Variants in CNTNAP2 observed in about 807,000 individuals in gnomAD.
CNTNAP2 encodes the protein contactin-associated protein-like 2.
Under a neutral mutation model 155.2 loss-of-function variants are expected in CNTNAP2, and 98 were observed. The observed-to-expected ratio is 0.63, with a 90% CI of 0.54 to 0.75. The LOEUF (loss-of-function observed/expected upper bound fraction) is 0.75, where lower values mean the gene tolerates loss of function less well. Among genes scored for constraint, CNTNAP2 ranks in the 30% least tolerant of loss-of-function variants. CNTNAP2 has a pLI of 0.00. For missense variants in CNTNAP2, 1,727 were observed against 1,688.1 expected, an observed-to-expected ratio of 1.02 and a Z score of -0.40; for synonymous variants, 651 against 631.2, an observed-to-expected ratio of 1.03 and a Z score of -0.47.
At chr7:146,595,062 T>G (rs896791625) in intron 1 of CNTNAP2, among the ~76,000 whole-genome samples, 1 of 152,084 alleles carries the variant, frequency 6.6e-6, no homozygotes, top group East Asian at 1.9e-4. Context: ...GGCTTGAAAC[T>G]TCCTGATATT....
chr7:146,319,422 C>T (rs1800962916), intron 1 of CNTNAP2, among the ~76,000 whole-genome samples: 6 of 152,138 alleles, frequency 3.9e-5, no homozygotes, highest in Admixed American at 3.9e-4. Context: ...AAGCTTGAAT[C>T]TATGTGTCTG....
At chr7:147,951,075 A>G (rs1219646730) in intron 14 of CNTNAP2, among the ~76,000 whole-genome samples, 1 of 152,182 alleles carries the variant, frequency 6.6e-6, no homozygotes, top group East Asian at 1.9e-4. Context: ...TAAAATCTGT[A>G]TACTCCTATC....
chr7:147,903,573 C>T lies in CNTNAP2; in HGVS notation c.2107C>T (p.Pro703Ser), dbSNP rs1799910339. Residue 703 changes from proline to serine, a missense_variant, in exon 14 of 24, where the codon CCT (proline) becomes TCT (serine). By Grantham distance (74) the Pro-to-Ser change is moderately conservative. Transcript: ENST00000361727. Reference protein sequence around the residue: ...SRLLNTPDGSPYTWWVGKANE... With the variant: ...SRLLNTPDGSSYTWWVGKANE... ...TTTGCCTTTTCTTGTAGATGGAAGC[C>T]CTTACACTTGGTGGGTTGGCAAAGC... 1 of 1,614,160 alleles carries T rather than the reference C, an allele frequency of 6.2e-7. No homozygotes were observed. The highest frequency in any genetic ancestry group is 2.2e-5 in the East Asian group (1 of 44,866).
chr7:147,527,080 T>C (rs1393906154), intron 11 of CNTNAP2, among the ~76,000 whole-genome samples: 1 of 136,716 alleles, frequency 7.3e-6, no homozygotes, highest in Non-Finnish European at 1.5e-5. Context: ...TGGAGTGCAG[T>C]GGTGTGATCT....
At chr7:146,360,230 T>C (rs2129100650) in intron 1 of CNTNAP2, among the ~76,000 whole-genome samples, 1 of 152,298 alleles carries the variant, frequency 6.6e-6, no homozygotes, top group South Asian at 2.1e-4. Flanking sequence ...GCCCGCAAAC[T>C]CCTTTTCATT....
At chr7:147,530,015 G>A (rs369925242) in intron 11 of CNTNAP2, among the ~76,000 whole-genome samples, 48 of 152,188 alleles carry the variant, frequency 3.2e-4, no homozygotes, top group East Asian at 9.7e-4. Flanking sequence ...ATCAATAATC[G>A]TGGGGATTGT....
At chr7:147,696,733 C>T (rs913191246) in intron 13 of CNTNAP2, among the ~76,000 whole-genome samples, 3 of 151,840 alleles carry the variant, frequency 2.0e-5, no homozygotes, top group African/African-American at 7.3e-5. Flanking sequence ...TGAGAAAGTC[C>T]TTATTTTTCC....
intron 3 of CNTNAP2, among the ~76,000 whole-genome samples, chr7:146,844,486 A>G (rs1226818372): frequency 6.6e-6 from 1 of 151,978 alleles, no homozygotes; most frequent in African/African-American, 2.4e-5. Context: ...AGATGTTTTC[A>G]AGTTTCCTAA....
chr7:147,472,803 G>A (rs566255870), intron 10 of CNTNAP2, among the ~76,000 whole-genome samples: 1 of 152,298 alleles, frequency 6.6e-6, no homozygotes, highest in South Asian at 2.1e-4. Context: ...TGATGAGGGT[G>A]AGCAGAGGAG....
intron 3 of CNTNAP2, among the ~76,000 whole-genome samples, chr7:146,892,410 A>G (rs758839408): frequency 6.6e-6 from 1 of 152,194 alleles, no homozygotes; most frequent in South Asian, 2.1e-4. Context: ...AAGCCAGCTC[A>G]GTTTTAAGAG....
intron 1 of CNTNAP2, among the ~76,000 whole-genome samples, chr7:146,655,012 T>C (rs1585027098): frequency 1.3e-5 from 2 of 152,252 alleles, no homozygotes; most frequent in East Asian, 3.9e-4. Flanking sequence ...TGTAATGATA[T>C]CTCTCAACAT....
chr7:147,095,773 C>T (rs1048086971), intron 4 of CNTNAP2, among the ~76,000 whole-genome samples: 2 of 152,038 alleles, frequency 1.3e-5, no homozygotes, highest in African/African-American at 2.4e-5. Flanking sequence ...AAACTGGATC[C>T]TGGTTTGCTT....
chr7:147,770,732 G>A (rs976458647), intron 13 of CNTNAP2, among the ~76,000 whole-genome samples: 2 of 152,140 alleles, frequency 1.3e-5, no homozygotes, highest in African/African-American at 4.8e-5. Flanking sequence ...TAGATGAAGT[G>A]TGATCATGGA....
intron 10 of CNTNAP2, among the ~76,000 whole-genome samples, chr7:147,401,471 T>C (rs1267891444): frequency 2.0e-5 from 3 of 152,180 alleles, no homozygotes; most frequent in Non-Finnish European, 4.4e-5. Context: ...AAAGAATAAG[T>C]AAATGAATTT....
chr7:148,412,656 T>A (rs1449112691), intron 23 of CNTNAP2, among the ~76,000 whole-genome samples: 1 of 152,220 alleles, frequency 6.6e-6, no homozygotes, highest in Non-Finnish European at 1.5e-5. Flanking sequence ...ATAATGAGAT[T>A]TTTTTACTTG....
At chr7:146,551,954 T>C (rs1278553052) in intron 1 of CNTNAP2, among the ~76,000 whole-genome samples, 1 of 151,980 alleles carries the variant, frequency 6.6e-6, no homozygotes. Context: ...TAAGATACAA[T>C]CTCCTCAATT....
intron 4 of CNTNAP2, among the ~76,000 whole-genome samples, chr7:147,083,821 T>TACATATACACATGTATGTACATATTATAA (rs1800200319): frequency 7.0e-6 from 1 of 141,848 alleles, no homozygotes; most frequent in Non-Finnish European, 1.5e-5. Context: ...ACATATTATA[T>TACATATACACATGTATGTACATATTATAA]ACATATACAC....
intron 13 of CNTNAP2, among the ~76,000 whole-genome samples, chr7:147,895,884 T>A (rs1477564178): frequency 1.3e-5 from 2 of 152,252 alleles, no homozygotes; most frequent in Non-Finnish European, 2.9e-5. Context: ...CCAATGCTAA[T>A]AACAAAGTCT....
intron 2 of CNTNAP2, among the ~76,000 whole-genome samples, chr7:146,819,027 A>C (rs1343079598): frequency 6.6e-6 from 1 of 152,132 alleles, no homozygotes; most frequent in East Asian, 1.9e-4. Flanking sequence ...AATTTTACCT[A>C]CTTTTAATCA....
Sources: gnomAD v4.1 joint callset for allele counts (sites outside exome capture counted in the v4.1 genomes callset) on GRCh38, gnomAD v4.1.1 for gene constraint, MANE v1.5 for transcripts, NCBI Gene and HGNC (gene_info 2026-07-23, HGNC 2026-07-21) for gene names.